ZNF627: variants seen among roughly 807,000 people sequenced by gnomAD.
ZNF627 encodes zinc finger protein 627.
Under a neutral mutation model 10.6 loss-of-function variants are expected in ZNF627, and 12 were observed. That is an observed-to-expected ratio of 1.13 (90% CI 0.73 to 1.84). The LOEUF (loss-of-function observed/expected upper bound fraction) is 1.84, where lower values mean the gene tolerates loss of function less well. ZNF627 is among the 40% of genes most tolerant of loss of function. ZNF627 has a pLI of 0.00. For synonymous variants in ZNF627, 176 were observed against 187.1 expected, an observed-to-expected ratio of 0.94 and a Z score of 0.48; for missense variants, 504 against 568.4, an observed-to-expected ratio of 0.89 and a Z score of 1.15.
At chr19:11,609,471 T>TTATATATACA (rs1973729568) in intron 1 of ZNF627, among the ~76,000 whole-genome samples, 5 of 54,016 alleles carry the variant, frequency 9.3e-5, no homozygotes, top group Non-Finnish European at 2.5e-4. Context: ...TTAAAAAATT[T>TTATATATACA]TATATATATA....
At chr19:11,599,902 G>C (rs1973555780) in intron 1 of ZNF627, among the ~76,000 whole-genome samples, 1 of 151,576 alleles carries the variant, frequency 6.6e-6, no homozygotes, top group African/African-American at 2.4e-5. Flanking sequence ...GCGAGACTCT[G>C]TCTCAAAAAA....
Position 11,609,471 on chromosome 19 carries a change from TTATATATATATATA to T in ZNF627, c.4-5022_4-5009del, listed in dbSNP as rs1168205815. Among the ~76,000 whole-genome samples, 189 of 53,996 alleles carry T rather than the reference TTATATATATATATA, an allele frequency of 3.5e-3. 5 individuals are homozygous for T. The South Asian group carries it at 0.04, about 12-fold the overall frequency. 35.4% of individuals were successfully genotyped at this position (53,996 alleles called of 152,430 possible). ...TTCCTGGGTAGTCTTTTAAAAAATT[TTATATATATATATA>T]TATATATATATATATATATATATAT... is the stretch of plus-strand genomic sequence containing the variant. On this transcript the variant is annotated intron_variant, in intron 1 of 3. Coordinates refer to ENST00000361113, the MANE Select transcript of ZNF627 (RefSeq NM_145295.4).
chr19:11,605,217 G>C (rs977448390), intron 1 of ZNF627, among the ~76,000 whole-genome samples: 6 of 151,328 alleles, frequency 4.0e-5, no homozygotes, highest in African/African-American at 1.2e-4. Flanking sequence ...CAAGTAGCTG[G>C]GGTTACAGGT....
chr19:11,604,441 G>A (rs2145125853), intron 1 of ZNF627: 1 of 152,282 alleles, frequency 6.6e-6, no homozygotes, highest in South Asian at 2.1e-4. Context: ...TGCAATCCTG[G>A]ATCTCACCCA....
At chr19:11,612,465 A>G (rs1368845710) in intron 1 of ZNF627, among the ~76,000 whole-genome samples, 2 of 124,206 alleles carry the variant, frequency 1.6e-5, no homozygotes, top group Admixed American at 1.0e-4. Context: ...ACTGTCATCT[A>G]GGCTGGAGTG....
In ZNF627 at chr19:11,617,516, A is replaced by G; in HGVS notation, c.1013A>G (p.Lys338Arg). The change falls in exon 4 of 4, where the codon AAG (lysine) becomes AGG (arginine). Residue 338 changes from lysine (K) to arginine (R), a missense_variant. Transcript: ENST00000361113. The part of the protein sequence containing the change: ...KHTGNGPYKC[K>R]VCGKAFDFPS... ...ACTGGCAATGGACCTTATAAATGTA[A>G]GGTGTGTGGGAAAGCCTTTGATTTC... is the stretch of plus-strand genomic sequence containing the variant. The G allele has an allele frequency of 1.2e-6, 2 of 1,613,938 alleles. No individual in the cohort carries two copies. The highest frequency in any genetic ancestry group is 2.2e-5 in the South Asian group (2 of 91,070).
chr19:11,600,578 G>A (rs1390040028), intron 1 of ZNF627, among the ~76,000 whole-genome samples: 1 of 152,018 alleles, frequency 6.6e-6, no homozygotes, highest in Non-Finnish European at 1.5e-5. Flanking sequence ...CTAAGGAAAA[G>A]AGAGAGAGAA....
Position 11,617,341 on chromosome 19 carries a change from G to A in ZNF627, c.838G>A (p.Glu280Lys), listed in dbSNP as rs751573167. Residue 280 changes from glutamate to lysine, a missense_variant, in exon 4 of 4, where the codon GAA (glutamate) becomes AAA (lysine). Glu to Lys is a moderately conservative substitution (Grantham distance 56). Coordinates refer to ENST00000361113, the MANE Select transcript of ZNF627 (RefSeq NM_145295.4). ...ERTHTGEKPY[E>K]CKQCGKAFRC... ...AACTCACACAGGAGAGAAACCCTACGAATGTAAACAGTGCGGTAAAGCCTT... is the reference window on the plus strand; with the variant it reads ...AACTCACACAGGAGAGAAACCCTACAAATGTAAACAGTGCGGTAAAGCCTT... 1.7e-5 allele frequency: 27 copies of A among 1,613,660 alleles called. No individual in the cohort carries two copies. The highest frequency in any genetic ancestry group is 1.3e-4 in the South Asian group (12 of 91,078).
At chr19:11,602,567 G>A (rs1489126752) in intron 1 of ZNF627, among the ~76,000 whole-genome samples, 1 of 152,168 alleles carries the variant, frequency 6.6e-6, no homozygotes, top group Non-Finnish European at 1.5e-5. Context: ...TGCAGTTGCT[G>A]AGAAGTATGG....
At chr19:11,614,706 G>A in intron 2 of ZNF627, 53 bp downstream of exon 2, 1 of 1,612,368 alleles carries the variant, frequency 6.2e-7, no homozygotes, top group Non-Finnish European at 8.5e-7. Context: ...AGTGTTTCTA[G>A]CTCCTTAACA....
chr19:11,612,224 C>T (rs955063116), intron 1 of ZNF627, among the ~76,000 whole-genome samples: 3 of 150,068 alleles, frequency 2.0e-5, no homozygotes, highest in African/African-American at 7.3e-5. Context: ...GGGTTCACGC[C>T]ATTCTCTTGC....
intron 1 of ZNF627, among the ~76,000 whole-genome samples, chr19:11,611,552 C>A (rs1031682362): frequency 1.3e-5 from 2 of 151,880 alleles, no homozygotes; most frequent in African/African-American, 4.8e-5. Context: ...AATGCCAGAC[C>A]CAATAGAAAC....
intron 3 of ZNF627, 25 bp downstream of exon 3, chr19:11,614,912 T>A: frequency 6.4e-7 from 1 of 1,556,024 alleles, no homozygotes; most frequent in Non-Finnish European, 8.7e-7. Context: ...CAAAAGAAAG[T>A]TCTGTTCCTT....
rs146302887 is a variant in ZNF627 at position 11,606,796 on chromosome 19, G to A, written c.4-7731G>A. Among the ~76,000 whole-genome samples the A allele has an allele frequency of 3.9e-5, 6 of 152,300 alleles. No individual in the cohort carries two copies. In the East Asian group the frequency reaches 9.6e-4, roughly 24 times the overall value. On this transcript the variant is annotated intron_variant, in intron 1 of 3. Coordinates refer to ENST00000361113, the MANE Select transcript of ZNF627 (RefSeq NM_145295.4). ...AATTCTTGTCTTCTGTGCACCCACA[G>A]GACCAACACCACATGGCAGCTGCTG...
intron 1 of ZNF627, among the ~76,000 whole-genome samples, chr19:11,612,228 C>A (rs1237096992): frequency 1.3e-5 from 2 of 149,028 alleles, no homozygotes; most frequent in African/African-American, 5.0e-5. Context: ...TCACGCCATT[C>A]TCTTGCCTCA....
intron 1 of ZNF627, among the ~76,000 whole-genome samples, chr19:11,606,914 G>A (rs12975880): frequency 0.41 from 62,865 of 151,944 alleles, 13,290 homozygotes; most frequent in Non-Finnish European, 0.47. Context: ...AGGGAACCAA[G>A]TCCCTAGGGT....
chr19:11,607,818 C>T (rs1973700612), intron 1 of ZNF627, among the ~76,000 whole-genome samples: 2 of 152,144 alleles, frequency 1.3e-5, no homozygotes. Context: ...CCAAACTTTC[C>T]CACATTCTCC....
At chr19:11,613,078 C>T (rs1973801718) in intron 1 of ZNF627, among the ~76,000 whole-genome samples, 1 of 63,372 alleles carries the variant, frequency 1.6e-5, no homozygotes, top group Non-Finnish European at 3.2e-5. Flanking sequence ...CCTCCCCTCC[C>T]TCCCTTCCCC....
chr19:11,616,613 A>G (rs1382584990), intron 3 of ZNF627, 82 bp from the exon 4 acceptor site: 3 of 939,888 alleles, frequency 3.2e-6, no homozygotes, highest in Non-Finnish European at 4.6e-6. Flanking sequence ...AAACAAGTAT[A>G]TGTAAGTCTA....
Sources: allele counts gnomAD v4.1 joint callset (sites outside exome capture counted in the v4.1 genomes callset), GRCh38; gene constraint gnomAD v4.1.1; transcripts MANE v1.5; gene names NCBI Gene and HGNC (gene_info 2026-07-23, HGNC 2026-07-21).